The following PTAR1 variants were observed in gnomAD, a reference collection of about 807,000 sequenced individuals.
The protein encoded by PTAR1 is protein prenyltransferase alpha subunit repeat-containing protein 1.
A neutral mutation model predicts 45.5 loss-of-function variants in PTAR1; 17 were observed. The ratio of observed to expected loss-of-function variants is 0.37; its 90% CI spans 0.26 to 0.56. PTAR1 has a LOEUF of 0.56. Among genes scored for constraint, PTAR1 ranks in the 20% least tolerant of loss-of-function variants. The probability of loss-of-function intolerance (pLI) is 0.77; values close to 1 mark genes in which losing one functional copy is unlikely to be tolerated. For missense variants in PTAR1, 391 were observed against 476.3 expected (o/e 0.82, Z 1.67); for synonymous variants, 169 against 171.3 (o/e 0.99, Z 0.11).
At chr9:69,748,937 G>A (rs944198990) in intron 2 of PTAR1, among the ~76,000 whole-genome samples, 4 of 152,058 alleles carry the variant, frequency 2.6e-5, no homozygotes, top group Admixed American at 6.6e-5. Flanking sequence ...CCTCAAAATA[G>A]TCAAATTAAA....
intron 3 of PTAR1, among the ~76,000 whole-genome samples, chr9:69,736,282 G>A (rs1358848558): frequency 6.6e-6 from 1 of 152,150 alleles, no homozygotes; most frequent in African/African-American, 2.4e-5. Context: ...CCATTGGCTG[G>A]GCACGGTAGC....
chr9:69,710,394 GCTA>G lies in PTAR1; in HGVS notation c.*7945_*7947del, dbSNP rs1824481141. 1 of 151,678 alleles carries G rather than the reference GCTA, an allele frequency of 6.6e-6. No individual in the cohort carries two copies. The highest frequency in any genetic ancestry group is 2.1e-4 in the South Asian group (1 of 4,796). The allele number at this position is 151,678 out of a possible 1,614,324, so 9.4% of individuals were successfully genotyped here. On this transcript the variant is annotated 3_prime_UTR_variant, in exon 8 of 8. Transcript: ENST00000340434. ...TTTTGCTTGTTTCTTTTTTAATATGGCTACTAGAAAATTAAAAATTATGTTGTG... is the reference window on the plus strand; with the variant it reads ...TTTTGCTTGTTTCTTTTTTAATATGGCTAGAAAATTAAAAATTATGTTGTG...
chr9:69,723,699 C>T, intron 5 of PTAR1, 69 bp from the exon 6 acceptor site: 1 of 1,161,316 alleles, frequency 8.6e-7, no homozygotes, highest in Non-Finnish European at 1.2e-6. Context: ...ATTATTGCCT[C>T]TGATTTCTCT....
chr9:69,741,875 T>C lies in PTAR1; in HGVS notation c.257-17A>G, dbSNP rs1826058122. ...CTATCAATTCTAAAATAAAGAGAAG[T>C]CATATTAAAAACAAATAGTCCTACC... On this transcript the variant is annotated splice_polypyrimidine_tract_variant and intron_variant, in intron 2 of 7. Transcript: ENST00000340434. The C allele has an allele frequency of 6.5e-7, 1 of 1,533,566 alleles. No individual in the cohort carries two copies. Among genetic ancestry groups the C allele is most frequent in the Admixed American group, 1.8e-5 (1 of 54,592 alleles). The allele number at this position is 1,533,566 out of a possible 1,614,324, so 95.0% of individuals were successfully genotyped here.
In PTAR1 at chr9:69,723,367, A is replaced by T; in HGVS notation, c.906T>A (p.Leu302=). The change falls in exon 6 of 8, where the codon CTT becomes CTA. Residue 302 remains leucine, a synonymous_variant. Coordinates refer to ENST00000340434, the MANE Select transcript of PTAR1 (RefSeq NM_001099666.2). ...LEEEVEFSTD[L]IDSYPGHETL... ...TTTCATGTCCTGGGTAGGAATCAATAAGATCAGTGCTGAATTCAACTTCTT... is the reference window on the plus strand; with the variant it reads ...TTTCATGTCCTGGGTAGGAATCAATTAGATCAGTGCTGAATTCAACTTCTT... The T allele has an allele frequency of 3.1e-6, 5 of 1,613,886 alleles. No individual in the cohort carries two copies. The highest frequency in any genetic ancestry group is 4.2e-6 in the Non-Finnish European group (5 of 1,179,798).
rs1275471513 is a variant in PTAR1, at chr9:69,714,482, ATTTG to A, written c.*3856_*3859del. ...GTAAGAGAAAATTATTAAACTGACA[ATTTG>A]TTTGCTTCAATACTAAAAATTCCTT... On this transcript the variant is annotated 3_prime_UTR_variant, in exon 8 of 8. Coordinates refer to ENST00000340434, the MANE Select transcript of PTAR1 (RefSeq NM_001099666.2). 1.3e-5 allele frequency: 2 copies of A among 151,970 alleles called. No individual in the cohort carries two copies. The highest frequency in any genetic ancestry group is 2.9e-5 in the Non-Finnish European group (2 of 67,962). The allele number at this position is 151,970 out of a possible 1,614,324, so 9.4% of individuals were successfully genotyped here.
chr9:69,753,103 G>T (rs550821139), intron 1 of PTAR1, among the ~76,000 whole-genome samples: 2 of 151,490 alleles, frequency 1.3e-5, no homozygotes, highest in South Asian at 2.1e-4. Flanking sequence ...AAGAATAAAA[G>T]AATCCTGTTT....
chr9:69,758,991 CT>C (rs1826942274), intron 1 of PTAR1, among the ~76,000 whole-genome samples: 1 of 151,460 alleles, frequency 6.6e-6, no homozygotes, highest in South Asian at 2.1e-4. Context: ...TTCCCTACAC[CT>C]TTGTATAATG....
Position 69,717,392 on chromosome 9 carries a change from T to C in PTAR1, c.*950A>G, listed in dbSNP as rs1462401388. The stretch of plus-strand genomic sequence containing the variant: ...TCAATTTTATAAGGACTGATGTGTT[T>C]TGGCATATACCAAATTTGAGGTAAA... On this transcript the variant is annotated 3_prime_UTR_variant, in exon 8 of 8. Coordinates refer to ENST00000340434, the MANE Select transcript of PTAR1 (RefSeq NM_001099666.2). 1.3e-5 allele frequency: 2 copies of C among 152,216 alleles called. No individual in the cohort carries two copies. Among genetic ancestry groups the C allele is most frequent in the East Asian group, 3.8e-4 (2 of 5,202 alleles). 9.4% of individuals were successfully genotyped at this position (152,216 alleles called of 1,614,324 possible). A position where few individuals can be genotyped will look rare whatever the true frequency, so the allele number is the denominator to read the frequency against.
intron 5 of PTAR1, 106 bp downstream of exon 5, chr9:69,732,033 G>A: frequency 1.3e-6 from 1 of 743,040 alleles, no homozygotes; most frequent in Non-Finnish European, 2.2e-6. Flanking sequence ...CAAGTTGCCA[G>A]ACCATCAGTT....
intron 5 of PTAR1, among the ~76,000 whole-genome samples, chr9:69,728,215 T>C (rs1825374291): frequency 6.6e-6 from 1 of 152,194 alleles, no homozygotes; most frequent in South Asian, 2.1e-4. Context: ...TTTTTGGCTA[T>C]TATAAATAAT....
In PTAR1 at chr9:69,709,671, AT is replaced by A. The variant is rs1824449817; in HGVS notation, c.*8670del. 6.6e-6 allele frequency: 1 copy of A among 152,176 alleles called. No homozygotes were observed. Among genetic ancestry groups the A allele is most frequent in the African/African-American group, 2.4e-5 (1 of 41,462 alleles). 9.4% of individuals were successfully genotyped at this position (152,176 alleles called of 1,614,324 possible). ...AGAACAAATCTAATGGAAAAAGAATATTTCATTCTACTTTTCTGCCACTTAT... is the reference window on the plus strand; with the variant it reads ...AGAACAAATCTAATGGAAAAAGAATATTCATTCTACTTTTCTGCCACTTAT... On this transcript the variant is annotated 3_prime_UTR_variant, in exon 8 of 8. Coordinates refer to ENST00000340434, the MANE Select transcript of PTAR1 (RefSeq NM_001099666.2).
intron 1 of PTAR1, among the ~76,000 whole-genome samples, chr9:69,756,899 G>A (rs888726596): frequency 2.0e-5 from 3 of 152,146 alleles, no homozygotes; most frequent in African/African-American, 7.2e-5. Context: ...GAGCCACTAC[G>A]TACAAATCCA....
intron 2 of PTAR1, among the ~76,000 whole-genome samples, chr9:69,744,488 C>A (rs904827377): frequency 6.6e-6 from 1 of 151,694 alleles, no homozygotes; most frequent in Non-Finnish European, 1.5e-5. Context: ...TAGGCTCAAG[C>A]GATTCTCATG....
At chr9:69,719,420 G>A (rs899676421) in intron 6 of PTAR1, among the ~76,000 whole-genome samples, 13 of 152,276 alleles carry the variant, frequency 8.5e-5, no homozygotes, top group South Asian at 8.3e-4. Context: ...GCACATCCAT[G>A]TACAATGAAC....
intron 5 of PTAR1, among the ~76,000 whole-genome samples, chr9:69,724,437 T>A (rs1825171533): frequency 6.6e-6 from 1 of 152,172 alleles, no homozygotes. Flanking sequence ...GAAAGGTATA[T>A]CAAGTGCCTA....
At chr9:69,725,006 T>C (rs1232762441) in intron 5 of PTAR1, among the ~76,000 whole-genome samples, 2 of 152,168 alleles carry the variant, frequency 1.3e-5, no homozygotes, top group Non-Finnish European at 2.9e-5. Flanking sequence ...AGTATCTTTA[T>C]TTGATTTTAA....
intron 2 of PTAR1, among the ~76,000 whole-genome samples, chr9:69,743,005 T>C (rs1233454239): frequency 6.6e-6 from 1 of 152,126 alleles, no homozygotes; most frequent in African/African-American, 2.4e-5. Context: ...TAAGGTTATC[T>C]ATCTAGGGGC....
intron 5 of PTAR1, 164 bp downstream of exon 5, chr9:69,731,975 T>A (rs920947270): frequency 1.6e-6 from 1 of 607,672 alleles, no homozygotes; most frequent in Admixed American, 3.0e-5. Flanking sequence ...GCAAGCTTTT[T>A]ATTTAATTAC....
Sources: allele counts gnomAD v4.1 joint callset (sites outside exome capture counted in the v4.1 genomes callset), GRCh38; gene constraint gnomAD v4.1.1; transcripts MANE v1.5; gene names NCBI Gene and HGNC (gene_info 2026-07-23, HGNC 2026-07-21).